The following RXFP2 variants were observed in gnomAD, a reference collection of about 807,000 sequenced individuals.
The protein encoded by RXFP2 is relaxin family peptide receptor 2.
A neutral mutation model predicts 88.6 loss-of-function variants in RXFP2; 68 were observed. That is an observed-to-expected ratio of 0.77 (90% CI 0.63 to 0.94). The LOEUF (loss-of-function observed/expected upper bound fraction) is 0.94, where lower values mean the gene tolerates loss of function less well. Ranked by LOEUF, RXFP2 falls within the 40% of genes least tolerant of loss-of-function variation. RXFP2 has a pLI of 0.00. For synonymous variants in RXFP2, 329 were observed against 306.8 expected (o/e 1.07, Z -0.76); for missense variants, 791 against 893.9 (o/e 0.88, Z 1.47).
At chr13:31,750,718 A>G (rs549568200) in intron 1 of RXFP2, among the ~76,000 whole-genome samples, 1 of 152,342 alleles carries the variant, frequency 6.6e-6, no homozygotes, top group East Asian at 1.9e-4. Context: ...GATGAGGACT[A>G]TGAAAGAGCC....
chr13:31,746,004 T>C (rs1224245165), intron 1 of RXFP2, among the ~76,000 whole-genome samples: 1 of 152,254 alleles, frequency 6.6e-6, no homozygotes, highest in East Asian at 1.9e-4. Context: ...AGTCATAGCC[T>C]TGACCTTGAC....
chr13:31,775,446 A>G (rs976522803), intron 7 of RXFP2, 57 bp downstream of exon 7: 20 of 1,226,084 alleles, frequency 1.6e-5, no homozygotes, highest in Non-Finnish European at 1.9e-5. Context: ...ATGATATATA[A>G]CAGTGCTAAT....
chr13:31,750,445 T>C (rs1378740297), intron 1 of RXFP2, among the ~76,000 whole-genome samples: 1 of 152,172 alleles, frequency 6.6e-6, no homozygotes, highest in Non-Finnish European at 1.5e-5. Context: ...AAATCATCCT[T>C]ATTTAACAAA....
intron 1 of RXFP2, among the ~76,000 whole-genome samples, chr13:31,748,724 C>T (rs943123534): frequency 2.0e-5 from 3 of 152,104 alleles, no homozygotes; most frequent in Admixed American, 6.6e-5. Context: ...GTAAAAATCT[C>T]GCCTGTAATC....
intron 16 of RXFP2, among the ~76,000 whole-genome samples, chr13:31,795,863 T>A (rs1874008112): frequency 6.6e-6 from 1 of 152,032 alleles, no homozygotes; most frequent in Admixed American, 6.6e-5. Context: ...TGATGTTAGG[T>A]GGGAATCTTG....
intron 9 of RXFP2, 54 bp from the exon 10 acceptor site, chr13:31,781,617 A>G: frequency 8.0e-7 from 1 of 1,256,298 alleles, no homozygotes; most frequent in Non-Finnish European, 1.2e-6. Context: ...AGTATCTCTA[A>G]GCATATGATT....
At chr13:31,791,682 A>T in intron 14 of RXFP2, 124 bp from the exon 15 acceptor site, 1 of 725,676 alleles carries the variant, frequency 1.4e-6, no homozygotes, top group African/African-American at 1.8e-5. Context: ...AAACACTACT[A>T]AACAAAAATA....
At chr13:31,765,167 A>G (rs1043581310) in intron 4 of RXFP2, 25 bp downstream of exon 4, 1 of 1,353,920 alleles carries the variant, frequency 7.4e-7, no homozygotes, top group African/African-American at 1.4e-5. Flanking sequence ...ATTATTGGTG[A>G]TATCTGTCCC....
Position 31,797,213 on chromosome 13 carries a change from T to A in RXFP2, c.1799T>A (p.Leu600Gln). Residue 600 changes from leucine to glutamine, a missense_variant, in exon 17 of 18, where the codon CTG becomes CAG. By Grantham distance (113) the Leu-to-Gln change is moderately radical. Coordinates refer to ENST00000298386, the MANE Select transcript of RXFP2 (RefSeq NM_130806.5). ...SLGIFLGVNL[L>Q]AFLIIVFSYI... ...CTTTTCCCAACAGGTGTGAACTTGCTGGCTTTTCTCATCATTGTGTTTTCC... is the reference window on the plus strand; with the variant it reads ...CTTTTCCCAACAGGTGTGAACTTGCAGGCTTTTCTCATCATTGTGTTTTCC... 6.2e-7 allele frequency: 1 copy of A among 1,612,834 alleles called. No homozygotes were observed. Among genetic ancestry groups the A allele is most frequent in the Non-Finnish European group, 8.5e-7 (1 of 1,178,826 alleles).
At chr13:31,796,301 G>A (rs186320236) in intron 16 of RXFP2, among the ~76,000 whole-genome samples, 2 of 151,138 alleles carry the variant, frequency 1.3e-5, no homozygotes, top group East Asian at 1.9e-4. Context: ...CACCCGCCTC[G>A]GCCTCCCAAC....
chr13:31,799,488 T>C (rs940697818), intron 17 of RXFP2, among the ~76,000 whole-genome samples: 1 of 152,102 alleles, frequency 6.6e-6, no homozygotes, highest in East Asian at 1.9e-4. Context: ...GTGCTGGGAT[T>C]ACAAGCGTGA....
At position 31,793,084 on chromosome 13, in the gene RXFP2, C is replaced by T. The variant is rs1873873712; in HGVS notation, c.1782C>T (p.Phe594=). 6.2e-7 allele frequency: 1 copy of T among 1,608,034 alleles called. No individual in the cohort carries two copies. Among genetic ancestry groups the T allele is most frequent in the East Asian group, 2.2e-5 (1 of 44,856 alleles). The part of the protein sequence containing the change: ...IGSKGYSLGI[F]LGVNLLAFLI... ...GCAAAGGGTATTCTCTTGGAATTTT[C>T]CTAGGTAAATTATATTTTTTCATTT... Residue 594 remains phenylalanine (F), a synonymous_variant, in exon 16 of 18, where the codon TTC becomes TTT. Transcript: ENST00000298386.
At chr13:31,770,864 G>C (rs531030075) in intron 5 of RXFP2, among the ~76,000 whole-genome samples, 2 of 152,292 alleles carry the variant, frequency 1.3e-5, no homozygotes, top group East Asian at 3.9e-4. Context: ...AGCATACCTA[G>C]TAAGAAACCC....
chr13:31,760,073 GTTGTTTGTTTGT>G lies in RXFP2; in HGVS notation c.242-1632_242-1621del, dbSNP rs141810581. On this transcript the variant is annotated intron_variant, in intron 2 of 17. Transcript: ENST00000298386. ...AATGCCTTATCTTTTCAGTGTTGTT[GTTGTTTGTTTGT>G]TTGTTTGTTTGTTTGTTTTAGAGAT... 9.4e-3 allele frequency among the ~76,000 whole-genome samples: 1,413 copies of G among 150,670 alleles called. 11 individuals are homozygous for G. Among genetic ancestry groups the G allele is most frequent in the Middle Eastern group, 0.017 (5 of 292 alleles).
chr13:31,784,654 T>C (rs1383562509), intron 11 of RXFP2, among the ~76,000 whole-genome samples: 2 of 152,110 alleles, frequency 1.3e-5, no homozygotes, highest in African/African-American at 4.8e-5. Flanking sequence ...ACATCTCACT[T>C]GGCAGGACTT....
intron 1 of RXFP2, among the ~76,000 whole-genome samples, chr13:31,755,763 C>A (rs1871916533): frequency 6.6e-6 from 1 of 152,168 alleles, no homozygotes; most frequent in Non-Finnish European, 1.5e-5. Flanking sequence ...CTAAAATAGT[C>A]ACAGACTTGA....
At chr13:31,765,280 A>G in intron 4 of RXFP2, 138 bp downstream of exon 4, 1 of 654,044 alleles carries the variant, frequency 1.5e-6, no homozygotes, top group East Asian at 2.8e-5. Context: ...AGAATTCTCC[A>G]TGCTTCCTAT....
At chr13:31,767,637 T>G (rs1872597267) in intron 5 of RXFP2, among the ~76,000 whole-genome samples, 1 of 152,208 alleles carries the variant, frequency 6.6e-6, no homozygotes, top group South Asian at 2.1e-4. Flanking sequence ...TAATTAAATC[T>G]TCTCATTACA....
chr13:31,795,122 T>G (rs1287421776), intron 16 of RXFP2, among the ~76,000 whole-genome samples: 1 of 152,140 alleles, frequency 6.6e-6, no homozygotes, highest in African/African-American at 2.4e-5. Context: ...AACATCTTTC[T>G]TATATTACTA....
Sources: gnomAD v4.1 joint callset for allele counts (sites outside exome capture counted in the v4.1 genomes callset) on GRCh38, gnomAD v4.1.1 for gene constraint, MANE v1.5 for transcripts, NCBI Gene and HGNC (gene_info 2026-07-23, HGNC 2026-07-21) for gene names.